FMN1: variants seen among roughly 807,000 people sequenced by gnomAD.
The protein encoded by FMN1 is formin 1.
A neutral mutation model predicts 132.4 loss-of-function variants in FMN1; 110 were observed. The ratio of observed to expected loss-of-function variants is 0.83; its 90% CI spans 0.71 to 0.97. The LOEUF (loss-of-function observed/expected upper bound fraction) is 0.97. Among genes scored for constraint, FMN1 ranks in the 50% least tolerant of loss-of-function variants. The pLI, the probability that FMN1 is intolerant of heterozygous loss-of-function variation, is 0.00. For synonymous variants in FMN1, 722 were observed against 651.7 expected (o/e 1.11, Z -1.64); for missense variants, 1,792 against 1,705.3 (o/e 1.05, Z -0.90).
At chr15:32,861,582 C>T (rs935738407) in intron 16 of FMN1, among the ~76,000 whole-genome samples, 8 of 152,182 alleles carry the variant, frequency 5.3e-5, no homozygotes, top group African/African-American at 1.9e-4. Flanking sequence ...CTGGCACTCA[C>T]AAGCAGGCTC....
intron 5 of FMN1, chr15:33,066,960 T>C: frequency 6.2e-7 from 1 of 1,614,008 alleles, no homozygotes; most frequent in Non-Finnish European, 8.5e-7. Context: ...TGCGTCAATT[T>C]GAGCAAAGCT....
chr15:32,898,319 A>G (rs2060208933), intron 15 of FMN1, among the ~76,000 whole-genome samples: 1 of 152,238 alleles, frequency 6.6e-6, no homozygotes, highest in African/African-American at 2.4e-5. Context: ...GAAGGAATAA[A>G]ATAGAAAATT....
intron 19 of FMN1, among the ~76,000 whole-genome samples, chr15:32,787,830 A>C (rs1054847802): frequency 6.6e-6 from 1 of 152,154 alleles, no homozygotes. Flanking sequence ...TGGGCAAAAG[A>C]ATGAGACCTT....
At chr15:32,872,165 C>CA (rs754317110) in intron 16 of FMN1, among the ~76,000 whole-genome samples, 4 of 152,058 alleles carry the variant, frequency 2.6e-5, no homozygotes, top group Non-Finnish European at 2.9e-5. Context: ...ATCAAACACT[C>CA]AGAGTTTTGT....
chr15:32,789,354 T>G (rs1351887540), intron 19 of FMN1, among the ~76,000 whole-genome samples: 2 of 152,246 alleles, frequency 1.3e-5, no homozygotes, highest in African/African-American at 4.8e-5. Context: ...GGACACCGTA[T>G]GTGATCAATA....
chr15:32,843,609 A>G lies in FMN1; in HGVS notation c.3928+13406T>C, dbSNP rs577240729. Among the ~76,000 whole-genome samples the G allele has an allele frequency of 2.3e-4, 35 of 152,348 alleles. No homozygotes were observed. In the South Asian group the frequency reaches 7.3e-3, roughly 32 times the overall value. ...TATATTATGCTCCCCTAGAATTACT[A>G]TATTACAATTACTCACGCCACATTT... is the stretch of plus-strand genomic sequence containing the variant. On this transcript the variant is annotated intron_variant, in intron 17 of 20. Coordinates refer to ENST00000616417, the MANE Select transcript of FMN1 (RefSeq NM_001277313.2).
intron 17 of FMN1, among the ~76,000 whole-genome samples, chr15:32,852,651 T>C (rs1273044701): frequency 2.0e-5 from 3 of 152,208 alleles, no homozygotes; most frequent in Non-Finnish European, 4.4e-5. Context: ...AAGTTCTTAA[T>C]TAGTCTGTTA....
At chr15:33,066,843 G>A (rs1365421810) in intron 5 of FMN1, 5 of 1,613,890 alleles carry the variant, frequency 3.1e-6, no homozygotes, top group Non-Finnish European at 4.2e-6. Flanking sequence ...ATGTTGAGCA[G>A]CAGAGAGAGC....
chr15:32,908,357 C>T (rs1041519399), intron 12 of FMN1, 133 bp downstream of exon 12: 5 of 623,900 alleles, frequency 8.0e-6, no homozygotes, highest in Non-Finnish European at 1.1e-5. Context: ...CTGCATGCAA[C>T]AGGTCACAGG....
intron 16 of FMN1, among the ~76,000 whole-genome samples, chr15:32,862,397 C>T (rs2059291286): frequency 6.6e-6 from 1 of 152,166 alleles, no homozygotes; most frequent in Non-Finnish European, 1.5e-5. Context: ...AAGTTAGTTA[C>T]TACTAAGTGA....
At chr15:33,077,827 G>T (rs1387651881) in intron 5 of FMN1, among the ~76,000 whole-genome samples, 1 of 147,440 alleles carries the variant, frequency 6.8e-6, no homozygotes, top group African/African-American at 2.5e-5. Flanking sequence ...AGTGGGCAAA[G>T]GATATGAACA....
At chr15:32,781,840 C>G (rs926341497) in intron 19 of FMN1, among the ~76,000 whole-genome samples, 1 of 152,166 alleles carries the variant, frequency 6.6e-6, no homozygotes, top group Non-Finnish European at 1.5e-5. Context: ...AAAGAAAATA[C>G]TATATGTGAT....
intron 9 of FMN1, among the ~76,000 whole-genome samples, chr15:32,945,449 G>A (rs2061489435): frequency 6.6e-6 from 1 of 152,118 alleles, no homozygotes; most frequent in African/African-American, 2.4e-5. Context: ...TGGACTTCCT[G>A]TCTTGTCTAT....
intron 7 of FMN1, among the ~76,000 whole-genome samples, chr15:33,007,714 C>G (rs757977394): frequency 1.3e-5 from 2 of 152,116 alleles, no homozygotes; most frequent in African/African-American, 2.4e-5. Context: ...AAAACTTCTA[C>G]TATATTTTAT....
intron 2 of FMN1, among the ~76,000 whole-genome samples, chr15:33,184,788 A>G (rs1053561706): frequency 4.6e-5 from 7 of 152,214 alleles, no homozygotes; most frequent in Admixed American, 4.6e-4. Flanking sequence ...ACAGGTAAGA[A>G]CCACCGCGCC....
intron 17 of FMN1, 58 bp downstream of exon 17, chr15:32,856,957 T>G: frequency 7.9e-7 from 1 of 1,263,088 alleles, no homozygotes; most frequent in South Asian, 1.2e-5. Flanking sequence ...AGAGAAAGAT[T>G]CATGGAATGA....
chr15:32,956,957 G>T (rs1004886220), intron 9 of FMN1, among the ~76,000 whole-genome samples: 21 of 152,188 alleles, frequency 1.4e-4, no homozygotes, highest in Non-Finnish European at 7.4e-5. Flanking sequence ...TTGCCAAAGT[G>T]ACCAAATTAC....
At chr15:33,022,192 GT>G (rs1330516667) in intron 6 of FMN1, among the ~76,000 whole-genome samples, 2 of 152,106 alleles carry the variant, frequency 1.3e-5, no homozygotes, top group Non-Finnish European at 2.9e-5. Flanking sequence ...TTTTTTATTT[GT>G]ATGATGTTTT....
At chr15:32,788,526 G>A (rs2056956678) in intron 19 of FMN1, among the ~76,000 whole-genome samples, 1 of 152,154 alleles carries the variant, frequency 6.6e-6, no homozygotes, top group Non-Finnish European at 1.5e-5. Context: ...TGGAACAAAA[G>A]GGTGAGGAAA....
Sources: gnomAD v4.1 joint callset for allele counts (sites outside exome capture counted in the v4.1 genomes callset) on GRCh38, gnomAD v4.1.1 for gene constraint, MANE v1.5 for transcripts, NCBI Gene and HGNC (gene_info 2026-07-23, HGNC 2026-07-21) for gene names.